Variants in ASTN2 observed in about 807,000 individuals in gnomAD.
ASTN2 encodes astrotactin-2.
ASTN2 carries 54 observed loss-of-function variants against 139.8 expected under a neutral mutation model. That is an observed-to-expected ratio of 0.39 (90% confidence interval 0.31 to 0.48). The LOEUF (loss-of-function observed/expected upper bound fraction) is 0.48. ASTN2 is among the 20% of genes least tolerant of loss of function. The probability of loss-of-function intolerance (pLI) is 0.95; values close to 1 mark genes in which losing one functional copy is unlikely to be tolerated. For synonymous variants in ASTN2, 756 were observed against 719.5 expected (o/e 1.05, Z -0.81); for missense variants, 1,565 against 1,725.1 (o/e 0.91, Z 1.64).
intron 17 of ASTN2, among the ~76,000 whole-genome samples, chr9:116,642,129 C>A (rs974685444): frequency 1.1e-4 from 2 of 18,232 alleles, no homozygotes; most frequent in African/African-American, 6.3e-4. Flanking sequence ...GGCTCCCAAC[C>A]CACAAAAAAA....
At chr9:116,995,380 G>T (rs1045550185) in intron 7 of ASTN2, among the ~76,000 whole-genome samples, 2 of 152,104 alleles carry the variant, frequency 1.3e-5, no homozygotes, top group African/African-American at 4.8e-5. Context: ...TCATACTATG[G>T]GTAAATTACA....
intron 19 of ASTN2, among the ~76,000 whole-genome samples, chr9:116,550,736 G>A (rs1156434617): frequency 6.6e-6 from 1 of 152,156 alleles, no homozygotes; most frequent in African/African-American, 2.4e-5. Context: ...AGATAGGCAG[G>A]AATTCCTGTC....
chr9:116,939,345 G>GT (rs1835164888), intron 10 of ASTN2, among the ~76,000 whole-genome samples: 1 of 151,854 alleles, frequency 6.6e-6, no homozygotes, highest in Admixed American at 6.6e-5. Flanking sequence ...TAAAATTATT[G>GT]TTTTATTATT....
chr9:117,259,323 C>T (rs1269603309), intron 2 of ASTN2, among the ~76,000 whole-genome samples: 1 of 152,082 alleles, frequency 6.6e-6, no homozygotes, highest in Non-Finnish European at 1.5e-5. Context: ...TTCTAAGGCC[C>T]CCCTCAACCA....
intron 19 of ASTN2, among the ~76,000 whole-genome samples, chr9:116,568,100 C>T (rs1853327252): frequency 6.6e-6 from 1 of 152,184 alleles, no homozygotes; most frequent in African/African-American, 2.4e-5. Context: ...CCTAAGTATT[C>T]TTCTCTAGAT....
intron 2 of ASTN2, among the ~76,000 whole-genome samples, chr9:117,285,096 G>T (rs1211815437): frequency 2.0e-5 from 3 of 152,088 alleles, no homozygotes; most frequent in Non-Finnish European, 4.4e-5. Context: ...TTTCTACTCA[G>T]TTACTGTTTC....
chr9:117,000,790 T>C (rs748940254), intron 7 of ASTN2, among the ~76,000 whole-genome samples: 4 of 152,216 alleles, frequency 2.6e-5, no homozygotes, highest in African/African-American at 2.4e-5. Flanking sequence ...TTAATGATTG[T>C]CTTTCTGAAA....
intron 3 of ASTN2, among the ~76,000 whole-genome samples, chr9:117,148,524 G>C (rs1256663377): frequency 1.3e-5 from 2 of 151,996 alleles, no homozygotes; most frequent in African/African-American, 4.8e-5. Context: ...TGTGAAAATA[G>C]AGGCACCAAG....
At chr9:117,308,440 G>T (rs947135529) in intron 1 of ASTN2, among the ~76,000 whole-genome samples, 5 of 152,136 alleles carry the variant, frequency 3.3e-5, no homozygotes, top group African/African-American at 1.2e-4. Flanking sequence ...GGCACTAAAT[G>T]CAGTTAGTAT....
intron 20 of ASTN2, among the ~76,000 whole-genome samples, chr9:116,463,085 A>G (rs960534437): frequency 2.0e-5 from 3 of 151,882 alleles, no homozygotes; most frequent in Admixed American, 6.6e-5. Flanking sequence ...CCCATATTCA[A>G]TCAGTTTCCA....
intron 5 of ASTN2, among the ~76,000 whole-genome samples, chr9:117,086,702 T>C (rs1299632501): frequency 6.6e-6 from 1 of 152,156 alleles, no homozygotes; most frequent in Non-Finnish European, 1.5e-5. Context: ...TTCCACCCTG[T>C]CTTCACTTCT....
intron 2 of ASTN2, among the ~76,000 whole-genome samples, chr9:117,225,535 G>GTGTATATATATATATA (rs372269409): frequency 3.1e-5 from 2 of 63,920 alleles, no homozygotes; most frequent in African/African-American, 8.7e-5. Context: ...CAAGCTGTAT[G>GTGTATATATATATATA]TATATATATA....
intron 2 of ASTN2, among the ~76,000 whole-genome samples, chr9:117,249,518 T>G (rs931802710): frequency 1.3e-5 from 2 of 152,102 alleles, no homozygotes; most frequent in African/African-American, 4.8e-5. Flanking sequence ...CAAATGAAAT[T>G]TTACACTCAA....
intron 1 of ASTN2, among the ~76,000 whole-genome samples, chr9:117,357,864 G>A (rs2130890312): frequency 6.6e-6 from 1 of 152,220 alleles, no homozygotes; most frequent in African/African-American, 2.4e-5. Context: ...CTAACCCTTT[G>A]GAGGGATGAA....
chr9:117,148,369 T>G (rs762162976), intron 3 of ASTN2, among the ~76,000 whole-genome samples: 1 of 152,208 alleles, frequency 6.6e-6, no homozygotes, highest in Non-Finnish European at 1.5e-5. Flanking sequence ...AGAGTAGTCA[T>G]TACTCATCTT....
chr9:116,612,789 C>A (rs1855615795), intron 19 of ASTN2: 1 of 151,346 alleles, frequency 6.6e-6, no homozygotes, highest in Non-Finnish European at 1.5e-5. Flanking sequence ...AACTGACACC[C>A]TAACATCATA....
At chr9:116,999,474 A>C (rs1357400624) in intron 7 of ASTN2, among the ~76,000 whole-genome samples, 1 of 151,638 alleles carries the variant, frequency 6.6e-6, no homozygotes, top group Non-Finnish European at 1.5e-5. Flanking sequence ...ATTTGTGGCA[A>C]AGTTGACATG....
intron 1 of ASTN2, among the ~76,000 whole-genome samples, chr9:117,297,658 A>G (rs918230907): frequency 9.2e-5 from 14 of 152,266 alleles, no homozygotes; most frequent in African/African-American, 3.1e-4. Flanking sequence ...AATTGTTACC[A>G]CCCTAGGCCT....
chr9:117,386,176 A>T (rs1039083072), intron 1 of ASTN2, among the ~76,000 whole-genome samples: 6 of 152,178 alleles, frequency 3.9e-5, no homozygotes, highest in Admixed American at 1.3e-4. Context: ...TCATACTCAG[A>T]CAAGAAGAAA....
Sources: gnomAD v4.1 joint callset for allele counts (sites outside exome capture counted in the v4.1 genomes callset) on GRCh38, gnomAD v4.1.1 for gene constraint, MANE v1.5 for transcripts, NCBI Gene and HGNC (gene_info 2026-07-23, HGNC 2026-07-21) for gene names.